PPFIA2: variants seen among roughly 807,000 people sequenced by gnomAD.
PPFIA2 encodes liprin-alpha-2.
Under a neutral mutation model 175.5 loss-of-function variants are expected in PPFIA2, and 46 were observed. The observed-to-expected ratio is 0.26, with a 90% CI of 0.21 to 0.34. The LOEUF (loss-of-function observed/expected upper bound fraction) is 0.34, where lower values mean the gene tolerates loss of function less well. Among genes scored for constraint, PPFIA2 ranks in the 10% least tolerant of loss-of-function variants. PPFIA2 has a pLI of 1.00. For missense variants in PPFIA2, 1,179 were observed against 1,506.1 expected (o/e 0.78, Z 3.60); for synonymous variants, 568 against 511.4 (o/e 1.11, Z -1.49).
intron 4 of PPFIA2, among the ~76,000 whole-genome samples, chr12:81,521,591 G>A (rs1039917379): frequency 2.0e-5 from 3 of 150,628 alleles, no homozygotes; most frequent in Non-Finnish European, 4.4e-5. Context: ...GCCGAGGCGG[G>A]CAGATCACGA....
Position 81,353,145 on chromosome 12 carries a change from T to C in PPFIA2, c.1968A>G (p.Gln656=), listed in dbSNP as rs767269349. 2.4e-5 allele frequency: 38 copies of C among 1,613,742 alleles called. No homozygotes were observed. Among genetic ancestry groups the C allele is most frequent in the Non-Finnish European group, 3.1e-5 (37 of 1,179,820 alleles). The change falls in exon 17 of 33, where the codon CAA becomes CAG. Residue 656 remains glutamine, a synonymous_variant. Coordinates refer to ENST00000549396, the MANE Select transcript of PPFIA2 (RefSeq NM_003625.5). ...TGATTTCTTTGTTGATGGCATCCAA[T>C]TGTTCCTGAAGCATCATGGCTAGCG... ...AQTLAMMLQE[Q]LDAINKEIRL... is the part of the protein sequence containing the mutation.
intron 4 of PPFIA2, among the ~76,000 whole-genome samples, chr12:81,671,196 C>T (rs1218298579): frequency 6.6e-6 from 1 of 151,774 alleles, no homozygotes; most frequent in Admixed American, 6.6e-5. Flanking sequence ...TACCTTCATC[C>T]ACTCAATTGC....
intron 11 of PPFIA2, among the ~76,000 whole-genome samples, chr12:81,373,850 A>C (rs2035757097): frequency 6.6e-6 from 1 of 152,082 alleles, no homozygotes; most frequent in African/African-American, 2.4e-5. Flanking sequence ...CTTAGCAAAT[A>C]TTAATGATTG....
At chr12:81,386,298 A>C (rs2038924835) in intron 8 of PPFIA2, among the ~76,000 whole-genome samples, 1 of 149,114 alleles carries the variant, frequency 6.7e-6, no homozygotes, top group Non-Finnish European at 1.5e-5. Context: ...TAAATAAATA[A>C]ATAAATAAAT....
At chr12:81,268,745 T>C (rs2038190764) in intron 28 of PPFIA2, among the ~76,000 whole-genome samples, 3 of 152,246 alleles carry the variant, frequency 2.0e-5, no homozygotes, top group South Asian at 4.1e-4. Context: ...AGACATTTCT[T>C]ATTTGTGTCT....
At chr12:81,443,533 T>A (rs2050623466) in intron 6 of PPFIA2, among the ~76,000 whole-genome samples, 1 of 151,796 alleles carries the variant, frequency 6.6e-6, no homozygotes, top group Non-Finnish European at 1.5e-5. Context: ...AACAACCATT[T>A]TTTTCTTAAA....
At chr12:81,419,950 G>A (rs917063867) in intron 7 of PPFIA2, among the ~76,000 whole-genome samples, 2 of 152,106 alleles carry the variant, frequency 1.3e-5, no homozygotes, top group Admixed American at 6.6e-5. Context: ...GAAAGCAGGA[G>A]GACTTCAAAA....
chr12:81,667,731 C>T (rs1442621243), intron 4 of PPFIA2, among the ~76,000 whole-genome samples: 2 of 151,942 alleles, frequency 1.3e-5, no homozygotes, highest in Admixed American at 6.6e-5. Flanking sequence ...CTTAGAGTTA[C>T]AGGAATAAAT....
rs1291672788 is a variant in PPFIA2 at position 81,502,182 on chromosome 12, A to G, written c.304-44316T>C. On this transcript the variant is annotated intron_variant, in intron 4 of 32. Coordinates refer to ENST00000549396, the MANE Select transcript of PPFIA2 (RefSeq NM_003625.5). ...ACTGATAATTTTAATACTGACTCTC[A>G]GAGAACCAAGTAAGTAGTTGAACTT... Among the ~76,000 whole-genome samples, 8 of 152,288 alleles carry G rather than the reference A, an allele frequency of 5.3e-5. No homozygotes were observed. The South Asian group carries it at 1.0e-3, about 20-fold the overall frequency.
At chr12:81,540,798 A>C (rs1393396007) in intron 4 of PPFIA2, among the ~76,000 whole-genome samples, 1 of 152,058 alleles carries the variant, frequency 6.6e-6, no homozygotes, top group African/African-American at 2.4e-5. Context: ...TGAAAATAAC[A>C]TAGAGAAGAG....
At chr12:81,573,008 A>C (rs1223468898) in intron 4 of PPFIA2, among the ~76,000 whole-genome samples, 1 of 149,400 alleles carries the variant, frequency 6.7e-6, no homozygotes, top group African/African-American at 2.4e-5. Context: ...AAGTGTATTA[A>C]TATTGAGAGA....
At chr12:81,522,042 T>C (rs2063220571) in intron 4 of PPFIA2, among the ~76,000 whole-genome samples, 1 of 152,186 alleles carries the variant, frequency 6.6e-6, no homozygotes, top group Non-Finnish European at 1.5e-5. Flanking sequence ...ATATTTGAAA[T>C]AAGTCATTGT....
intron 3 of PPFIA2, among the ~76,000 whole-genome samples, chr12:81,695,918 C>T (rs1327750548): frequency 6.6e-6 from 1 of 152,032 alleles, no homozygotes; most frequent in Non-Finnish European, 1.5e-5. Flanking sequence ...TAAGCAGTAT[C>T]CCCCCAAAAT....
chr12:81,479,212 C>A (rs1169750620), intron 4 of PPFIA2, among the ~76,000 whole-genome samples: 1 of 152,060 alleles, frequency 6.6e-6, no homozygotes, highest in Non-Finnish European at 1.5e-5. Flanking sequence ...GGTTTAAAGT[C>A]TGTTTTATCA....
At chr12:81,289,641 G>A (rs34976662) in intron 24 of PPFIA2, among the ~76,000 whole-genome samples, 3 of 151,418 alleles carry the variant, frequency 2.0e-5, no homozygotes, top group African/African-American at 2.4e-5. Flanking sequence ...TCTTGAAGTC[G>A]TCACTTTAAA....
intron 4 of PPFIA2, among the ~76,000 whole-genome samples, chr12:81,589,850 C>G (rs2058471653): frequency 6.6e-6 from 1 of 151,994 alleles, no homozygotes; most frequent in Non-Finnish European, 1.5e-5. Flanking sequence ...CTGTTCTCGT[C>G]CAAATCCCAA....
At chr12:81,270,429 T>A (rs571661693) in intron 28 of PPFIA2, among the ~76,000 whole-genome samples, 1 of 152,214 alleles carries the variant, frequency 6.6e-6, no homozygotes. Flanking sequence ...CAGGTCTTTA[T>A]AGAAATGATC....
At chr12:81,462,673 G>T (rs1318379642) in intron 4 of PPFIA2, among the ~76,000 whole-genome samples, 1 of 148,408 alleles carries the variant, frequency 6.7e-6, no homozygotes, top group Non-Finnish European at 1.5e-5. Context: ...TCTGATCCTG[G>T]TAGTTTCTTC....
At chr12:81,280,796 TA>T (rs1274866903) in intron 27 of PPFIA2, among the ~76,000 whole-genome samples, 4 of 151,774 alleles carry the variant, frequency 2.6e-5, no homozygotes, top group Admixed American at 6.6e-5. Flanking sequence ...CATAGAAAAA[TA>T]AAAAAACACA....
Sources: allele counts gnomAD v4.1 joint callset (sites outside exome capture counted in the v4.1 genomes callset), GRCh38; gene constraint gnomAD v4.1.1; transcripts MANE v1.5; gene names NCBI Gene and HGNC (gene_info 2026-07-23, HGNC 2026-07-21).